ALPL: variants seen among roughly 807,000 people sequenced by gnomAD.
ALPL encodes the protein alkaline phosphatase, tissue-nonspecific isozyme.
ALPL carries 42 observed loss-of-function variants against 51.3 expected under a neutral mutation model. The ratio of observed to expected loss-of-function variants is 0.82; its 90% confidence interval spans 0.64 to 1.06. The LOEUF (loss-of-function observed/expected upper bound fraction) is 1.06, where lower values mean the gene tolerates loss of function less well. Among genes scored for constraint, ALPL ranks in the 50% least tolerant of loss-of-function variants. The probability of loss-of-function intolerance (pLI) is 0.00; values close to 1 mark genes in which losing one functional copy is unlikely to be tolerated. For synonymous variants in ALPL, 279 were observed against 296.4 expected (o/e 0.94, Z 0.60); for missense variants, 589 against 709.4 (o/e 0.83, Z 1.93).
intron 1 of ALPL, among the ~76,000 whole-genome samples, chr1:21,513,687 T>C (rs1238312920): frequency 6.6e-6 from 1 of 151,750 alleles, no homozygotes; most frequent in African/African-American, 2.4e-5. Context: ...CTGCAGGGGG[T>C]GGGGGATTGT....
chr1:21,563,946 G>A lies in ALPL; in HGVS notation c.473-95G>A. ...GGGCAATCCTCAGAACTGAAGCGGGGGCCTGTCTTTAGCGGGGAGGGGGAA... is the reference window on the plus strand; with the variant it reads ...GGGCAATCCTCAGAACTGAAGCGGGAGCCTGTCTTTAGCGGGGAGGGGGAA... On this transcript the variant is annotated intron_variant, in intron 5 of 11. Coordinates refer to ENST00000374840, the MANE Select transcript of ALPL (RefSeq NM_000478.6). The A allele has an allele frequency of 3.3e-6, 5 of 1,493,182 alleles. No individual in the cohort carries two copies. The East Asian group carries it at 9.4e-5, about 28-fold the overall frequency. The allele number at this position is 1,493,182 out of a possible 1,614,324, so 92.5% of individuals were successfully genotyped here. A position where few individuals can be genotyped will look rare whatever the true frequency, so the allele number is the denominator to read the frequency against.
intron 1 of ALPL, among the ~76,000 whole-genome samples, chr1:21,533,954 AAG>A (rs1644065133): frequency 2.0e-5 from 3 of 151,464 alleles, no homozygotes; most frequent in African/African-American, 7.3e-5. Context: ...GAAGAAGAAG[AAG>A]AAGAAGATTA....
At chr1:21,554,800 TCTGTCTGTC>T (rs1558543718) in intron 2 of ALPL, among the ~76,000 whole-genome samples, 2 of 37,034 alleles carry the variant, frequency 5.4e-5, no homozygotes, top group African/African-American at 3.3e-4. Flanking sequence ...TGTCTGTCTG[TCTGTCTGTC>T]TGTCTGTCTT....
intron 1 of ALPL, among the ~76,000 whole-genome samples, chr1:21,514,401 T>C (rs2148053981): frequency 6.6e-6 from 1 of 152,336 alleles, no homozygotes; most frequent in Non-Finnish European, 1.5e-5. Context: ...AACAGCCCTG[T>C]GCATCAGTGC....
intron 1 of ALPL, among the ~76,000 whole-genome samples, chr1:21,525,601 G>A (rs1643930967): frequency 6.6e-6 from 1 of 152,228 alleles, no homozygotes; most frequent in Admixed American, 6.5e-5. Flanking sequence ...GACATTCACT[G>A]ATTCAACAAA....
chr1:21,545,391 A>G (rs1181651760), intron 1 of ALPL, among the ~76,000 whole-genome samples: 2 of 152,102 alleles, frequency 1.3e-5, no homozygotes, highest in Admixed American at 6.5e-5. Context: ...CCCGGGTTCA[A>G]GCGATTCTCC....
chr1:21,530,674 C>A (rs1319273223), intron 1 of ALPL, among the ~76,000 whole-genome samples: 1 of 151,876 alleles, frequency 6.6e-6, no homozygotes, highest in Non-Finnish European at 1.5e-5. Flanking sequence ...AGACTGGGGT[C>A]TGGAAAGGAA....
chr1:21,567,586 C>A (rs1298972759), intron 6 of ALPL, among the ~76,000 whole-genome samples: 2 of 152,186 alleles, frequency 1.3e-5, no homozygotes, highest in Non-Finnish European at 2.9e-5. Context: ...CTTAGCTGCA[C>A]GAATACAGCA....
At chr1:21,559,743 C>A (rs1644459187) in intron 2 of ALPL, among the ~76,000 whole-genome samples, 1 of 152,166 alleles carries the variant, frequency 6.6e-6, no homozygotes, top group Admixed American at 6.5e-5. Context: ...TGGTCGCGAA[C>A]TCCTGAGCTC....
intron 2 of ALPL, among the ~76,000 whole-genome samples, chr1:21,558,638 G>A (rs1211916606): frequency 6.6e-6 from 1 of 152,206 alleles, no homozygotes; most frequent in Non-Finnish European, 1.5e-5. Flanking sequence ...GACTGCGTGG[G>A]GACATCTGAA....
At chr1:21,557,383 G>C (rs1162678381) in intron 2 of ALPL, among the ~76,000 whole-genome samples, 3 of 152,196 alleles carry the variant, frequency 2.0e-5, no homozygotes, top group Non-Finnish European at 4.4e-5. Flanking sequence ...GTGGGGCACT[G>C]AGCCTGAGCT....
chr1:21,530,954 ATT>A (rs34079543), intron 1 of ALPL, among the ~76,000 whole-genome samples: 49,764 of 102,902 alleles, frequency 0.48, 10,474 homozygotes, highest in African/African-American at 0.51. Context: ...ATCATTTTTG[ATT>A]TTTTTTTTTT....
intron 1 of ALPL, among the ~76,000 whole-genome samples, chr1:21,514,446 A>C (rs1643754382): frequency 6.6e-6 from 1 of 152,094 alleles, no homozygotes; most frequent in Non-Finnish European, 1.5e-5. Flanking sequence ...ACGATCTTGC[A>C]CTCTGAACCC....
rs760272172 is a variant in ALPL, at chr1:21,560,730, A to G, written c.166A>G (p.Met56Val). ...LNTNVAKNVIMFLGDGMGVST... is the reference protein window; with the variant it reads ...LNTNVAKNVIVFLGDGMGVST... ...CACCAACGTGGCTAAGAATGTCATC[A>G]TGTTCCTGGGAGATGGTGAGGCCCA... Residue 56 changes from methionine to valine, a missense_variant, in exon 3 of 12, where the codon ATG becomes GTG. Met to Val is a conservative substitution (Grantham distance 21). Transcript: ENST00000374840. 1.9e-6 allele frequency: 3 copies of G among 1,614,136 alleles called. No individual in the cohort carries two copies. The Admixed American group carries it at 5.0e-5, about 27-fold the overall frequency.
chr1:21,556,387 T>G (rs1312962621), intron 2 of ALPL, among the ~76,000 whole-genome samples: 2 of 152,160 alleles, frequency 1.3e-5, no homozygotes, highest in Non-Finnish European at 2.9e-5. Context: ...ACGCCTGTAA[T>G]CCCAGTGCGT....
At chr1:21,512,568 G>A (rs1044630427) in intron 1 of ALPL, among the ~76,000 whole-genome samples, 24 of 152,108 alleles carry the variant, frequency 1.6e-4, no homozygotes, top group African/African-American at 5.3e-4. Flanking sequence ...ACTGGTTTGG[G>A]GGCTGGTGTC....
chr1:21,558,650 T>C (rs984077152), intron 2 of ALPL, among the ~76,000 whole-genome samples: 30 of 152,116 alleles, frequency 2.0e-4, no homozygotes, highest in African/African-American at 7.0e-4. Context: ...ACATCTGAAA[T>C]TGATGCCCTC....
At chr1:21,531,056 C>T (rs184882310) in intron 1 of ALPL, among the ~76,000 whole-genome samples, 1 of 149,134 alleles carries the variant, frequency 6.7e-6, no homozygotes, top group Non-Finnish European at 1.5e-5. Flanking sequence ...CAGGTTCAAG[C>T]AATTCTCGTG....
At chr1:21,561,759 C>T (rs1462301485) in intron 4 of ALPL, among the ~76,000 whole-genome samples, 2 of 150,500 alleles carry the variant, frequency 1.3e-5, no homozygotes, top group African/African-American at 4.9e-5. Context: ...CTCTGCCTCC[C>T]GAGTTCAAGT....
Sources: gnomAD v4.1 joint callset for allele counts (sites outside exome capture counted in the v4.1 genomes callset) on GRCh38, gnomAD v4.1.1 for gene constraint, MANE v1.5 for transcripts, NCBI Gene and HGNC (gene_info 2026-07-23, HGNC 2026-07-21) for gene names.